The following GPR180 variants were observed in gnomAD, a reference collection of about 807,000 sequenced individuals.
The protein encoded by GPR180 is G protein-coupled receptor 180.
Under a neutral mutation model 52.6 loss-of-function variants are expected in GPR180, and 53 were observed. That is an observed-to-expected ratio of 1.01 (90% CI 0.81 to 1.27). The LOEUF (loss-of-function observed/expected upper bound fraction) is 1.27. Among genes scored for constraint, GPR180 ranks in the 50% most tolerant of loss-of-function variants. GPR180 has a pLI of 0.00. For missense variants in GPR180, 533 were observed against 527.0 expected, an observed-to-expected ratio of 1.01 and a Z score of -0.11; for synonymous variants, 200 against 193.1, an observed-to-expected ratio of 1.04 and a Z score of -0.30.
In GPR180 at chr13:94,601,988, C is replaced by G; in HGVS notation, c.61C>G (p.Gln21Glu). The G allele has an allele frequency of 1.3e-6, 2 of 1,485,210 alleles. No homozygotes were observed. Among genetic ancestry groups the G allele is most frequent in the Non-Finnish European group, 1.8e-6 (2 of 1,122,042 alleles). The allele number at this position is 1,485,210 out of a possible 1,614,324, so 92.0% of individuals were successfully genotyped here. A position where few individuals can be genotyped will look rare whatever the true frequency, so the allele number is the denominator to read the frequency against. Residue 21 changes from glutamine to glutamate, a missense_variant, in exon 1 of 9, where the codon CAG (glutamine) becomes GAG (glutamate). Coordinates refer to ENST00000376958, the MANE Select transcript of GPR180 (RefSeq NM_180989.6). ...GTGCTGCTGGTGGCCGCAGGGCAGC[C>G]AGGGTAAGACCCTGCGGGGCAGCTT... Reference protein sequence around the residue: ...LTCCWWPQGSQGKTLRGSFSS... With the variant: ...LTCCWWPQGSEGKTLRGSFSS...
At chr13:94,603,026 G>T (rs1407022906) in intron 1 of GPR180, among the ~76,000 whole-genome samples, 1 of 150,968 alleles carries the variant, frequency 6.6e-6, no homozygotes, top group African/African-American at 2.4e-5. Flanking sequence ...GGTGAGAAAA[G>T]GAATTTAAAG....
intron 2 of GPR180, among the ~76,000 whole-genome samples, chr13:94,607,776 T>C (rs543111951): frequency 4.6e-5 from 7 of 152,286 alleles, no homozygotes; most frequent in Admixed American, 1.3e-4. Context: ...TGAATGTGAA[T>C]AAATGTAAAA....
Position 94,602,043 on chromosome 13 carries a change from GC to G in GPR180, c.118del (p.Gln40SerfsTer22). On this transcript the variant is annotated frameshift_variant, in exon 1 of 9. Coordinates refer to ENST00000376958, the MANE Select transcript of GPR180 (RefSeq NM_180989.6). LOFTEE classifies it high-confidence loss of function. ...AGCACCGCGGCCCAGGACGCCCAGG[GC>G]CAGCGCATCGGCCACTTCGAGTTCC... ...FSSTAAQDAQ[G>X]QRIGHFEFHG... is the part of the protein sequence containing the mutation. The G allele has an allele frequency of 6.9e-7, 1 of 1,444,034 alleles. No individual in the cohort carries two copies. The highest frequency in any genetic ancestry group is 9.1e-7 in the Non-Finnish European group (1 of 1,097,468). The allele number at this position is 1,444,034 out of a possible 1,614,324, so 89.5% of individuals were successfully genotyped here. A position where few individuals can be genotyped will look rare whatever the true frequency, so the allele number is the denominator to read the frequency against.
At chr13:94,614,239 A>G (rs1889748928) in intron 3 of GPR180, among the ~76,000 whole-genome samples, 1 of 152,242 alleles carries the variant, frequency 6.6e-6, no homozygotes, top group Admixed American at 6.5e-5. Context: ...GTCAAGGCTC[A>G]CTAGGAAGTA....
At chr13:94,610,302 TG>T (rs1594472661) in intron 2 of GPR180, among the ~76,000 whole-genome samples, 1 of 152,214 alleles carries the variant, frequency 6.6e-6, no homozygotes, top group East Asian at 1.9e-4. Context: ...TTATTAAAAA[TG>T]TTTTTTTCTA....
At chr13:94,616,522 T>TC (rs1274928787) in intron 3 of GPR180, among the ~76,000 whole-genome samples, 3 of 152,212 alleles carry the variant, frequency 2.0e-5, no homozygotes, top group African/African-American at 7.2e-5. Flanking sequence ...GCCTCTAAGT[T>TC]TTCTTGCTAC....
chr13:94,607,699 G>A (rs1188281944), intron 2 of GPR180, among the ~76,000 whole-genome samples: 1 of 152,098 alleles, frequency 6.6e-6, no homozygotes, highest in Non-Finnish European at 1.5e-5. Flanking sequence ...TGTACTGCTA[G>A]GTACTGTTGA....
At chr13:94,621,712 A>C (rs985075663) in intron 6 of GPR180, among the ~76,000 whole-genome samples, 1 of 152,194 alleles carries the variant, frequency 6.6e-6, no homozygotes, top group Non-Finnish European at 1.5e-5. Flanking sequence ...TAAAGGGCAA[A>C]ATATAGACTA....
chr13:94,603,075 G>T (rs998504682), intron 1 of GPR180, among the ~76,000 whole-genome samples: 1 of 116,666 alleles, frequency 8.6e-6, no homozygotes, highest in Admixed American at 8.1e-5. Flanking sequence ...AAAGGGAAGG[G>T]ATCCTGATTT....
chr13:94,602,169 G>A (rs1889565305), intron 1 of GPR180, 97 bp downstream of exon 1: 3 of 1,140,830 alleles, frequency 2.6e-6, no homozygotes, highest in Non-Finnish European at 3.4e-6. Flanking sequence ...TGCCACGTTG[G>A]GCGAGGCCGG....
At chr13:94,616,677 TATA>T (rs1177049527) in intron 3 of GPR180, among the ~76,000 whole-genome samples, 12 of 152,236 alleles carry the variant, frequency 7.9e-5, no homozygotes, top group African/African-American at 2.7e-4. Flanking sequence ...AAGTCTTAAG[TATA>T]ATAAGATTTA....
At chr13:94,602,187 C>A (rs952789119) in intron 1 of GPR180, 115 bp downstream of exon 1, 113 of 960,428 alleles carry the variant, frequency 1.2e-4, no homozygotes, top group Non-Finnish European at 1.5e-4. Flanking sequence ...CGGCGACTTC[C>A]CCAGCCTCAC....
intron 2 of GPR180, among the ~76,000 whole-genome samples, chr13:94,611,877 G>T (rs1331807678): frequency 7.4e-6 from 1 of 135,162 alleles, no homozygotes; most frequent in African/African-American, 3.1e-5. Context: ...ATACGAATGT[G>T]AAAACCAAAA....
In GPR180 at chr13:94,601,965, G is replaced by A. The variant is rs1430837141; in HGVS notation, c.38G>A (p.Cys13Tyr). ...GLRLLAVALT[C>Y]CWWPQGSQGK... ...CGGCTGCTGGCTGTGGCCCTCACGTGCTGCTGGTGGCCGCAGGGCAGCCAG... is the reference window on the plus strand; with the variant it reads ...CGGCTGCTGGCTGTGGCCCTCACGTACTGCTGGTGGCCGCAGGGCAGCCAG... The change falls in exon 1 of 9, where the codon TGC becomes TAC. Residue 13 changes from cysteine to tyrosine, a missense_variant. By Grantham distance (194) the Cys-to-Tyr change is radical. Transcript: ENST00000376958. The A allele has an allele frequency of 6.7e-7, 1 of 1,498,060 alleles. No individual in the cohort carries two copies. The allele number at this position is 1,498,060 out of a possible 1,614,324, so 92.8% of individuals were successfully genotyped here. A position where few individuals can be genotyped will look rare whatever the true frequency, so the allele number is the denominator to read the frequency against.
Position 94,629,953 on chromosome 13 carries a change from G to A in GPR180, c.*2782G>A, listed in dbSNP as rs779143017. The A allele has an allele frequency of 6.6e-6, 1 of 152,160 alleles. No homozygotes were observed. Among genetic ancestry groups the A allele is most frequent in the African/African-American group, 2.4e-5 (1 of 41,426 alleles). The allele number at this position is 152,160 out of a possible 1,614,324, so 9.4% of individuals were successfully genotyped here. ...GCATGTTTCTTCTAGGAGACTGCACGTTCTTTGGAATTTGGAAATTTGGAA... is the reference window on the plus strand; with the variant it reads ...GCATGTTTCTTCTAGGAGACTGCACATTCTTTGGAATTTGGAAATTTGGAA... On this transcript the variant is annotated 3_prime_UTR_variant, in exon 9 of 9. Transcript: ENST00000376958.
In GPR180 at chr13:94,627,588, AATAC is replaced by A. The variant is rs1889944371; in HGVS notation, c.*420_*423del. The A allele has an allele frequency of 6.3e-6, 1 of 157,998 alleles. No individual in the cohort carries two copies. Among genetic ancestry groups the A allele is most frequent in the African/African-American group, 2.4e-5 (1 of 41,550 alleles). 9.8% of individuals were successfully genotyped at this position (157,998 alleles called of 1,614,324 possible). A position where few individuals can be genotyped will look rare whatever the true frequency, so the allele number is the denominator to read the frequency against. On this transcript the variant is annotated 3_prime_UTR_variant, in exon 9 of 9. Transcript: ENST00000376958. ...ACTAGTCCAGTTATGAAATCAGTGT[AATAC>A]ATTGATTTTTAAAACTGCTGCTTTT...
chr13:94,624,995 G>A (rs1889908259), intron 7 of GPR180, among the ~76,000 whole-genome samples: 1 of 151,468 alleles, frequency 6.6e-6, no homozygotes, highest in African/African-American at 2.4e-5. Context: ...TGCATTTTCA[G>A]TAGAGATGGG....
chr13:94,623,080 C>A, intron 6 of GPR180, 29 bp from the exon 7 acceptor site: 1 of 1,533,136 alleles, frequency 6.5e-7, no homozygotes, highest in Admixed American at 2.0e-5. Flanking sequence ...TTTTTTTTTC[C>A]TAAATGTAAT....
At chr13:94,616,154 AG>A (rs549704326) in intron 3 of GPR180, among the ~76,000 whole-genome samples, 343 of 152,348 alleles carry the variant, frequency 2.3e-3, no homozygotes, top group Non-Finnish European at 3.6e-3. Context: ...TTTAGGAGGA[AG>A]GAAGTCTTTC....
Sources: allele counts gnomAD v4.1 joint callset (sites outside exome capture counted in the v4.1 genomes callset), GRCh38; gene constraint gnomAD v4.1.1; transcripts MANE v1.5; gene names NCBI Gene and HGNC (gene_info 2026-07-23, HGNC 2026-07-21).